The following ZNF385C variants were observed in gnomAD, a reference collection of about 807,000 sequenced individuals.
ZNF385C encodes CTD-2132N18.2.
In ZNF385C, 28 loss-of-function variants were observed where a neutral mutation model predicts 35.4. That is an observed-to-expected ratio of 0.79 (90% confidence interval 0.59 to 1.08). ZNF385C has a LOEUF of 1.08. Among genes scored for constraint, ZNF385C ranks in the 50% least tolerant of loss-of-function variants. The probability of loss-of-function intolerance (pLI) is 0.00; values close to 1 mark genes in which losing one functional copy is unlikely to be tolerated. For synonymous variants in ZNF385C, 248 were observed against 248.2 expected (o/e 1.00, Z 0.01); for missense variants, 605 against 595.6 (o/e 1.02, Z -0.16).
intron 1 of ZNF385C, among the ~76,000 whole-genome samples, chr17:42,082,130 C>T (rs1182880134): frequency 6.6e-6 from 1 of 152,230 alleles, no homozygotes; most frequent in Non-Finnish European, 1.5e-5. Context: ...ACCACCTCAG[C>T]CCCTTGGCTG....
chr17:42,093,009 G>A (rs2053878494), intron 1 of ZNF385C, among the ~76,000 whole-genome samples: 1 of 152,190 alleles, frequency 6.6e-6, no homozygotes, highest in African/African-American at 2.4e-5. Flanking sequence ...TGAGAAGAAG[G>A]ACCTGTGGAG....
In ZNF385C at chr17:42,026,464, C is replaced by T. The variant is rs546331522; in HGVS notation, c.*433G>A. The T allele has an allele frequency of 9.6e-6, 2 of 208,432 alleles. No individual in the cohort carries two copies. The highest frequency in any genetic ancestry group is 3.1e-4 in the East Asian group (2 of 6,446). The allele number at this position is 208,432 out of a possible 1,614,324, so 12.9% of individuals were successfully genotyped here. Reference sequence around the variant, plus strand: ...CCTTGTCCTGACAGCCTTGAGCCTGCTGCAGCTAGAGACCCCATCCCTATC... The same window carrying T: ...CCTTGTCCTGACAGCCTTGAGCCTGTTGCAGCTAGAGACCCCATCCCTATC... On this transcript the variant is annotated 3_prime_UTR_variant, in exon 9 of 9. Coordinates refer to ENST00000692273, the MANE Select transcript of ZNF385C (RefSeq NM_001392013.1).
chr17:42,058,918 A>G (rs868907615), intron 2 of ZNF385C, among the ~76,000 whole-genome samples: 4 of 152,202 alleles, frequency 2.6e-5, no homozygotes, highest in Middle Eastern at 3.4e-3. Flanking sequence ...CGGCCTCCCA[A>G]AGTGTTGGGA....
intron 1 of ZNF385C, among the ~76,000 whole-genome samples, chr17:42,075,734 T>G (rs1045858197): frequency 1.3e-5 from 2 of 152,208 alleles, no homozygotes; most frequent in Non-Finnish European, 2.9e-5. Flanking sequence ...GACCTCATGA[T>G]CCACCTGCCT....
At chr17:42,069,781 G>A (rs2053598119) in intron 1 of ZNF385C, among the ~76,000 whole-genome samples, 1 of 152,240 alleles carries the variant, frequency 6.6e-6, no homozygotes, top group Admixed American at 6.5e-5. Flanking sequence ...GGTGGCTCTT[G>A]CCTGTAATCC....
chr17:42,071,905 A>C (rs1279709250), intron 1 of ZNF385C, among the ~76,000 whole-genome samples: 1 of 152,170 alleles, frequency 6.6e-6, no homozygotes, highest in Non-Finnish European at 1.5e-5. Flanking sequence ...GGAAGCCAGA[A>C]GGAGGAGGGT....
rs868957190 is a variant in ZNF385C at position 42,041,341 on chromosome 17, C to G, written c.251-3456G>C. Among the ~76,000 whole-genome samples the G allele has an allele frequency of 1.3e-5, 2 of 152,288 alleles. 1 individual carries two copies. Among genetic ancestry groups the G allele is most frequent in the Middle Eastern group, 6.8e-3 (2 of 294 alleles). ...CTGGCTTTGCCACTTACTGGCTGTG[C>G]TACCTTCGGCCAGTCACTTCACCTC... On this transcript the variant is annotated intron_variant, in intron 2 of 8. Coordinates refer to ENST00000692273, the MANE Select transcript of ZNF385C (RefSeq NM_001392013.1).
rs573707178 is a variant in ZNF385C, at chr17:42,029,738, AAC to A, written c.677-667_677-666del. Among the ~76,000 whole-genome samples, 16 of 151,606 alleles carry A rather than the reference AAC, an allele frequency of 1.1e-4. 1 individual carries two copies. In the South Asian group the frequency reaches 2.5e-3, roughly 24 times the overall value. ...CAAAAACAAACAAACAAACAAAAAAAACACAGTGGTATGGGCCAGACGCAGTG... is the reference window on the plus strand; with the variant it reads ...CAAAAACAAACAAACAAACAAAAAAAACAGTGGTATGGGCCAGACGCAGTG... On this transcript the variant is annotated intron_variant, in intron 5 of 8. Transcript: ENST00000692273.
intron 2 of ZNF385C, chr17:42,040,073 G>A: frequency 8.1e-7 from 1 of 1,231,232 alleles, no homozygotes; most frequent in Non-Finnish European, 1.0e-6. Flanking sequence ...GCCCGCTGGC[G>A]CACCACGGCA....
chr17:42,052,905 G>A (rs1295517033), intron 2 of ZNF385C, among the ~76,000 whole-genome samples: 1 of 152,210 alleles, frequency 6.6e-6, no homozygotes, highest in Non-Finnish European at 1.5e-5. Context: ...CCTCCCAGAA[G>A]CACATGCCTG....
chr17:42,062,552 G>A, intron 2 of ZNF385C: 1 of 362,810 alleles, frequency 2.8e-6, no homozygotes, highest in South Asian at 1.5e-4. Context: ...CACAGGGAGA[G>A]TTCCCTAGAA....
At position 42,028,782 on chromosome 17, in the gene ZNF385C, C is replaced by G. The variant is rs1555654632; in HGVS notation, c.967+1G>C. ...GGGCTCCAGCTCCTGGGACTACTGA[C>G]CTGTGTTGTGAGCCTGAAGCTGGGA... is the stretch of plus-strand genomic sequence containing the variant. On this transcript the variant is annotated splice_donor_variant, in intron 6 of 8. Coordinates refer to ENST00000692273, the MANE Select transcript of ZNF385C (RefSeq NM_001392013.1). LOFTEE classifies it high-confidence loss of function. The G allele has an allele frequency of 6.5e-7, 1 of 1,549,040 alleles. No homozygotes were observed. Among genetic ancestry groups the G allele is most frequent in the East Asian group, 2.4e-5 (1 of 40,902 alleles).
intron 2 of ZNF385C, chr17:42,039,527 C>A: frequency 2.5e-6 from 1 of 396,214 alleles, no homozygotes; most frequent in Non-Finnish European, 3.6e-6. Context: ...GTCCCTTCCT[C>A]CACAGCCCAC....
chr17:42,090,265 T>C (rs2053850991), intron 1 of ZNF385C, among the ~76,000 whole-genome samples: 2 of 149,904 alleles, frequency 1.3e-5, no homozygotes, highest in Non-Finnish European at 3.0e-5. Flanking sequence ...CCTTCCCATT[T>C]CCTCTTATTC....
chr17:42,088,303 T>C (rs1338858901), intron 1 of ZNF385C, among the ~76,000 whole-genome samples: 2 of 152,228 alleles, frequency 1.3e-5, no homozygotes, highest in African/African-American at 4.8e-5. Context: ...GAGGTCTGTC[T>C]CCCTTCAACC....
intron 2 of ZNF385C, among the ~76,000 whole-genome samples, chr17:42,048,327 C>G (rs529745781): frequency 6.6e-6 from 1 of 151,332 alleles, no homozygotes; most frequent in South Asian, 2.1e-4. Context: ...CTGCTTGAGC[C>G]CATGAGTTTG....
chr17:42,066,204 C>T (rs1362328821), intron 1 of ZNF385C, among the ~76,000 whole-genome samples: 2 of 152,098 alleles, frequency 1.3e-5, no homozygotes, highest in Non-Finnish European at 2.9e-5. Context: ...GGACTACAGG[C>T]GCGTGCCACC....
intron 1 of ZNF385C, among the ~76,000 whole-genome samples, chr17:42,071,128 G>C (rs1210449404): frequency 6.6e-6 from 1 of 152,172 alleles, no homozygotes; most frequent in Non-Finnish European, 1.5e-5. Flanking sequence ...GCCAGAACAG[G>C]AGGCCCGGGG....
At chr17:42,043,323 C>T in intron 2 of ZNF385C, 1 of 1,232,258 alleles carries the variant, frequency 8.1e-7, no homozygotes, top group Non-Finnish European at 1.0e-6. Flanking sequence ...AACGCTTACA[C>T]TTCTTGTTGG....
Sources: allele counts gnomAD v4.1 joint callset (sites outside exome capture counted in the v4.1 genomes callset), GRCh38; gene constraint gnomAD v4.1.1; transcripts MANE v1.5; gene names NCBI Gene and HGNC (gene_info 2026-07-23, HGNC 2026-07-21).